The following CILK1 variants were observed in gnomAD, a reference collection of about 807,000 sequenced individuals.
The protein encoded by CILK1 is ciliogenesis associated kinase 1.
Under a neutral mutation model 79.2 loss-of-function variants are expected in CILK1, and 47 were observed. The observed-to-expected ratio is 0.59, with a 90% CI of 0.47 to 0.76. The LOEUF (loss-of-function observed/expected upper bound fraction) is 0.76, where lower values mean the gene tolerates loss of function less well. Among genes scored for constraint, CILK1 ranks in the 30% least tolerant of loss-of-function variants. The probability of loss-of-function intolerance (pLI) is 0.00; values close to 1 mark genes in which losing one functional copy is unlikely to be tolerated. For synonymous variants in CILK1, 266 were observed against 275.9 expected, an observed-to-expected ratio of 0.96 and a Z score of 0.36; for missense variants, 660 against 769.5, an observed-to-expected ratio of 0.86 and a Z score of 1.68.
chr6:53,027,796 G>A (rs1765668579), intron 5 of CILK1, among the ~76,000 whole-genome samples: 1 of 152,098 alleles, frequency 6.6e-6, no homozygotes, highest in African/African-American at 2.4e-5. Flanking sequence ...CTTGACAGCA[G>A]GAGTTGGAGA....
At chr6:53,018,540 C>T (rs373257028) in intron 6 of CILK1, 39 bp from the exon 7 acceptor site, 83 of 1,580,220 alleles carry the variant, frequency 5.3e-5, no homozygotes, top group East Asian at 5.1e-4. Flanking sequence ...ATTGCTTCCA[C>T]CACTCAGACA....
rs907469840 is a variant in CILK1 at position 53,039,843 on chromosome 6, G to A, written c.101+1293C>T. On this transcript the variant is annotated intron_variant, in intron 2 of 13. Coordinates refer to ENST00000676107, the MANE Select transcript of CILK1 (RefSeq NM_014920.5). The stretch of plus-strand genomic sequence containing the variant: ...AGTGGCGGAGGACCTCATGGTGGAG[G>A]TGGCAAATGGTAATGGGTTGAATGG... Among the ~76,000 whole-genome samples, 26 of 152,294 alleles carry A rather than the reference G, an allele frequency of 1.7e-4. No individual in the cohort carries two copies. The East Asian group carries it at 1.7e-3, about 10-fold the overall frequency.
chr6:53,018,207 A>T, intron 7 of CILK1, 123 bp downstream of exon 7: 1 of 912,310 alleles, frequency 1.1e-6, no homozygotes, highest in Non-Finnish European at 1.8e-6. Context: ...AGAATGACTG[A>T]GGTCAAGAGA....
In CILK1 at chr6:53,037,997, G is replaced by A. The variant is rs769445338; in HGVS notation, c.102-4C>T. On this transcript the variant is annotated splice_region_variant and splice_polypyrimidine_tract_variant and intron_variant, in intron 2 of 13. Transcript: ENST00000676107. ...GGAATAAAATTTTCTTTTCATTCTA[G>A]AAGAGAAGAAAGAAACAAACAGCAC... is the stretch of plus-strand genomic sequence containing the variant. 1 of 1,591,324 alleles carries A rather than the reference G, an allele frequency of 6.3e-7. No homozygotes were observed. Among genetic ancestry groups the A allele is most frequent in the South Asian group, 1.1e-5 (1 of 90,628 alleles).
rs1764008399 is a variant in CILK1 at position 53,002,875 on chromosome 6, A to G, written c.*2274T>C. 6.6e-6 allele frequency: 1 copy of G among 152,462 alleles called. No individual in the cohort carries two copies. The allele number at this position is 152,462 out of a possible 1,614,324, so 9.4% of individuals were successfully genotyped here. ...ACTAGGTTTTTCAGTTAAAAAATGTAATGACCTTATATAAGCTAGATTACT... is the reference window on the plus strand; with the variant it reads ...ACTAGGTTTTTCAGTTAAAAAATGTGATGACCTTATATAAGCTAGATTACT... On this transcript the variant is annotated 3_prime_UTR_variant, in exon 14 of 14. Coordinates refer to ENST00000676107, the MANE Select transcript of CILK1 (RefSeq NM_014920.5).
At chr6:53,010,237 T>A (rs891735206) in intron 11 of CILK1, among the ~76,000 whole-genome samples, 1 of 152,212 alleles carries the variant, frequency 6.6e-6, no homozygotes, top group African/African-American at 2.4e-5. Flanking sequence ...GTCAGGCCAA[T>A]CTTCTAAGAA....
At chr6:53,036,824 A>G (rs1487077771) in intron 3 of CILK1, among the ~76,000 whole-genome samples, 1 of 152,242 alleles carries the variant, frequency 6.6e-6, no homozygotes, top group African/African-American at 2.4e-5. Context: ...GTCCCCTCAA[A>G]AAGAATATCA....
At chr6:53,043,792 C>T (rs527371848) in intron 1 of CILK1, among the ~76,000 whole-genome samples, 77 of 120,572 alleles carry the variant, frequency 6.4e-4, no homozygotes, top group Non-Finnish European at 1.1e-3. Flanking sequence ...ATGTACCACT[C>T]ATGAATACAA....
intron 1 of CILK1, among the ~76,000 whole-genome samples, chr6:53,056,374 C>T (rs1397050420): frequency 6.6e-6 from 1 of 152,180 alleles, no homozygotes; most frequent in African/African-American, 2.4e-5. Context: ...GCTTTGCAGG[C>T]TCTCCATCTC....
rs1320056622 is a variant in CILK1, at chr6:53,016,264, A to G, written c.664-14T>C. On this transcript the variant is annotated splice_polypyrimidine_tract_variant and intron_variant, in intron 7 of 13. Coordinates refer to ENST00000676107, the MANE Select transcript of CILK1 (RefSeq NM_014920.5). Reference sequence around the variant, plus strand: ...AGGCCAGTCAGTCTGAAAGAAGGAAAAGATAGAAAATCTTGCTCAGCCAAT... The same window carrying G: ...AGGCCAGTCAGTCTGAAAGAAGGAAGAGATAGAAAATCTTGCTCAGCCAAT... 1 of 1,613,918 alleles carries G rather than the reference A, an allele frequency of 6.2e-7. No individual in the cohort carries two copies. Among genetic ancestry groups the G allele is most frequent in the South Asian group, 1.1e-5 (1 of 91,080 alleles).
Position 53,032,938 on chromosome 6 carries a change from G to C in CILK1, c.157-284C>G, listed in dbSNP as rs528375257. ...CCAGGCAATGTACCAAGGCTATTTTGGGCCCACCCCCTCCAGATGATGGAA... is the reference window on the plus strand; with the variant it reads ...CCAGGCAATGTACCAAGGCTATTTTCGGCCCACCCCCTCCAGATGATGGAA... On this transcript the variant is annotated intron_variant, in intron 3 of 13. Transcript: ENST00000676107. 2.0e-5 allele frequency among the ~76,000 whole-genome samples: 3 copies of C among 152,226 alleles called. No individual in the cohort carries two copies. The South Asian group carries it at 6.2e-4, about 32-fold the overall frequency.
intron 5 of CILK1, among the ~76,000 whole-genome samples, chr6:53,020,933 C>A (rs1250909916): frequency 2.0e-5 from 3 of 152,224 alleles, no homozygotes; most frequent in Non-Finnish European, 4.4e-5. Context: ...ATCATCTCCC[C>A]TTCCTAACCT....
intron 5 of CILK1, among the ~76,000 whole-genome samples, chr6:53,026,667 C>T (rs751325555): frequency 1.3e-5 from 2 of 152,190 alleles, no homozygotes; most frequent in Non-Finnish European, 2.9e-5. Context: ...GGTTCCAGTT[C>T]TGCTGGTGTG....
chr6:53,036,377 C>T (rs947995809), intron 3 of CILK1, among the ~76,000 whole-genome samples: 1 of 152,012 alleles, frequency 6.6e-6, no homozygotes, highest in African/African-American at 2.4e-5. Context: ...GAAATCCAGC[C>T]CACCACATGT....
chr6:53,026,916 G>A (rs76852089), intron 5 of CILK1, among the ~76,000 whole-genome samples: 269 of 152,258 alleles, frequency 1.8e-3, no homozygotes, highest in African/African-American at 6.2e-3. Flanking sequence ...CAGAAAATGT[G>A]TGTGCTTACT....
chr6:53,058,565 C>T (rs1021506328), intron 1 of CILK1, among the ~76,000 whole-genome samples: 9 of 152,094 alleles, frequency 5.9e-5, no homozygotes, highest in Non-Finnish European at 1.5e-5. Flanking sequence ...CCTCTGTTTG[C>T]GCATTCTCCC....
Position 53,005,174 on chromosome 6 carries a change from G to GC in CILK1, c.1873dup (p.Ala625GlyfsTer54). 1.2e-6 allele frequency: 2 copies of GC among 1,614,220 alleles called. No homozygotes were observed. Among genetic ancestry groups the GC allele is most frequent in the Non-Finnish European group, 1.7e-6 (2 of 1,180,044 alleles). On this transcript the variant is annotated frameshift_variant, in exon 14 of 14. Transcript: ENST00000676107. LOFTEE classifies it high-confidence loss of function. ...TCATCGCCGAGATGCGTACTTGGAAGCCCAGTCTGTCCGGCCATGCACTGG... is the reference window on the plus strand; with the variant it reads ...TCATCGCCGAGATGCGTACTTGGAAGCCCCAGTCTGTCCGGCCATGCACTGG...
At chr6:53,011,722 A>T in intron 11 of CILK1, 47 bp downstream of exon 11, 2 of 1,561,766 alleles carry the variant, frequency 1.3e-6, no homozygotes, top group South Asian at 2.2e-5. Flanking sequence ...TTCCAAGGAC[A>T]GGGTTTCTTA....
At position 53,011,917 on chromosome 6, in the gene CILK1, C is replaced by A. The variant is rs537369360; in HGVS notation, c.1344G>T (p.Arg448Ser). Residue 448 changes from arginine (R) to serine (S), a missense_variant and splice_region_variant, in exon 11 of 14, where the codon AGG becomes AGT. Coordinates refer to ENST00000676107, the MANE Select transcript of CILK1 (RefSeq NM_014920.5). ...GCTTCAGGTCCAAAACACTCTCAAA[C>A]CTGAATGAAGAGAGCATGGCTTGGG... ...KKRQSDDTLC[R>S]FESVLDLKPS... 1 of 1,614,150 alleles carries A rather than the reference C, an allele frequency of 6.2e-7. No individual in the cohort carries two copies. The highest frequency in any genetic ancestry group is 1.3e-5 in the African/African-American group (1 of 75,016).
Sources: allele counts gnomAD v4.1 joint callset (sites outside exome capture counted in the v4.1 genomes callset), GRCh38; gene constraint gnomAD v4.1.1; transcripts MANE v1.5; gene names NCBI Gene and HGNC (gene_info 2026-07-23, HGNC 2026-07-21).